CNTNAP2: variants seen among roughly 807,000 people sequenced by gnomAD.
CNTNAP2 encodes contactin-associated protein-like 2.
CNTNAP2 carries 98 observed loss-of-function variants against 155.2 expected under a neutral mutation model. The observed-to-expected ratio is 0.63, with a 90% CI of 0.54 to 0.75. CNTNAP2 has a LOEUF of 0.75. CNTNAP2 is among the 30% of genes least tolerant of loss of function. The pLI, the probability that CNTNAP2 is intolerant of heterozygous loss-of-function variation, is 0.00. For synonymous variants in CNTNAP2, 651 were observed against 631.2 expected, an observed-to-expected ratio of 1.03 and a Z score of -0.47; for missense variants, 1,727 against 1,688.1, an observed-to-expected ratio of 1.02 and a Z score of -0.40.
chr7:146,914,994 A>T (rs150486778), intron 3 of CNTNAP2, among the ~76,000 whole-genome samples: 2 of 152,096 alleles, frequency 1.3e-5, no homozygotes, highest in African/African-American at 2.4e-5. Context: ...TAATTTTTGT[A>T]TAAGGTGAGA....
intron 3 of CNTNAP2, among the ~76,000 whole-genome samples, chr7:146,958,407 GTTTTTTTTTTTT>G: frequency 1.3e-5 from 1 of 78,054 alleles, no homozygotes; most frequent in Middle Eastern, 0.015. Context: ...CATTTTTATG[GTTTTTTTTTTTT>G]TTTTTTTTTT....
intron 3 of CNTNAP2, among the ~76,000 whole-genome samples, chr7:147,032,658 A>C (rs1799057792): frequency 6.6e-6 from 1 of 151,358 alleles, no homozygotes; most frequent in Non-Finnish European, 1.5e-5. Flanking sequence ...ACAAGAAAGG[A>C]GGGGAGGAAG....
chr7:147,609,841 C>T (rs574017368), intron 12 of CNTNAP2, among the ~76,000 whole-genome samples: 60 of 152,074 alleles, frequency 3.9e-4, no homozygotes, highest in African/African-American at 1.4e-3. Context: ...ATACCTTCTT[C>T]CCAGGGAAGA....
intron 3 of CNTNAP2, among the ~76,000 whole-genome samples, chr7:147,004,293 A>C (rs1488871610): frequency 6.6e-6 from 1 of 151,542 alleles, no homozygotes; most frequent in Non-Finnish European, 1.5e-5. Context: ...CATTACATAG[A>C]TTGGGATAAT....
intron 3 of CNTNAP2, among the ~76,000 whole-genome samples, chr7:146,978,718 ATATT>A (rs1797958909): frequency 6.6e-6 from 1 of 151,178 alleles, no homozygotes; most frequent in East Asian, 1.9e-4. Context: ...TATAATATAT[ATATT>A]TAACTCTCCT....
chr7:146,774,340 G>A lies in CNTNAP2; in HGVS notation c.167G>A (p.Gly56Asp), dbSNP rs549740701. 12 of 1,613,930 alleles carry A rather than the reference G, an allele frequency of 7.4e-6. No individual in the cohort carries two copies. Among genetic ancestry groups the A allele is most frequent in the African/African-American group, 1.3e-5 (1 of 75,010 alleles). ...TTCAGCAGCTCCTCCTCCATCTCTG[G>A]TAGCTATTCTCCCGGCTATGCCAAG... The part of the protein sequence containing the change: ...VAFSSSSSIS[G>D]SYSPGYAKIN... Residue 56 changes from glycine to aspartate, a missense_variant, in exon 2 of 24, where the codon GGT becomes GAT. Transcript: ENST00000361727.
chr7:146,246,235 G>T (rs1162773342), intron 1 of CNTNAP2, among the ~76,000 whole-genome samples: 2 of 150,532 alleles, frequency 1.3e-5, no homozygotes, highest in African/African-American at 2.5e-5. Flanking sequence ...GTGGGTTAAG[G>T]TGGGGTAATA....
chr7:147,752,984 T>C (rs1292593818), intron 13 of CNTNAP2, among the ~76,000 whole-genome samples: 1 of 152,200 alleles, frequency 6.6e-6, no homozygotes, highest in African/African-American at 2.4e-5. Context: ...CCAATTTCTC[T>C]TTTAGCTACT....
At chr7:146,742,047 C>T (rs2129181090) in intron 1 of CNTNAP2, among the ~76,000 whole-genome samples, 1 of 149,388 alleles carries the variant, frequency 6.7e-6, no homozygotes, top group Non-Finnish European at 1.5e-5. Context: ...CATTCTCTTG[C>T]TTCTCCTTTT....
chr7:146,311,919 CAG>C (rs1800831849), intron 1 of CNTNAP2: 2 of 151,924 alleles, frequency 1.3e-5, no homozygotes, highest in South Asian at 4.1e-4. Flanking sequence ...CTAGGGAAGA[CAG>C]AGGAAGGACA....
At chr7:146,818,396 A>G (rs1443854886) in intron 2 of CNTNAP2, among the ~76,000 whole-genome samples, 1 of 152,220 alleles carries the variant, frequency 6.6e-6, no homozygotes, top group Non-Finnish European at 1.5e-5. Context: ...TAAGAAGGCC[A>G]AAGTATTTTG....
At chr7:146,565,821 G>A (rs941195070) in intron 1 of CNTNAP2, among the ~76,000 whole-genome samples, 3 of 152,212 alleles carry the variant, frequency 2.0e-5, no homozygotes, top group Admixed American at 1.3e-4. Context: ...AAATATGAAA[G>A]GAAATAAAAC....
At chr7:146,132,666 T>G (rs1296753235) in intron 1 of CNTNAP2, among the ~76,000 whole-genome samples, 1 of 150,962 alleles carries the variant, frequency 6.6e-6, no homozygotes, top group Non-Finnish European at 1.5e-5. Flanking sequence ...ATATGCGGTG[T>G]TTGGTTTTTT....
At position 148,217,360 on chromosome 7, in the gene CNTNAP2, A is replaced by C; in HGVS notation, c.3083A>C (p.Asp1028Ala). 2 of 1,613,540 alleles carry C rather than the reference A, an allele frequency of 1.2e-6. No individual in the cohort carries two copies. Among genetic ancestry groups the C allele is most frequent in the Non-Finnish European group, 1.7e-6 (2 of 1,179,918 alleles). The change falls in exon 19 of 24, where the codon GAC becomes GCC. Residue 1028 changes from aspartate (D) to alanine (A), a missense_variant. Asp to Ala is a moderately radical substitution (Grantham distance 126). Transcript: ENST00000361727. Reference sequence around the variant, plus strand: ...CAGGCACCAGCAACAAATGCCAGAGACTCCAGCAGCAGAGTAGACAACGCT... The same window carrying C: ...CAGGCACCAGCAACAAATGCCAGAGCCTCCAGCAGCAGAGTAGACAACGCT... ...NFQAPATNAR[D>A]SSSRVDNAPD...
At chr7:147,196,209 A>C (rs1373049539) in intron 8 of CNTNAP2, among the ~76,000 whole-genome samples, 5 of 152,164 alleles carry the variant, frequency 3.3e-5, no homozygotes. Flanking sequence ...TCTATGGTTT[A>C]AATCACCTGC....
chr7:147,034,228 G>C (rs1799101888), intron 3 of CNTNAP2, among the ~76,000 whole-genome samples: 1 of 152,198 alleles, frequency 6.6e-6, no homozygotes, highest in South Asian at 2.1e-4. Flanking sequence ...AATATAATTT[G>C]TGGATAACAA....
At chr7:146,790,797 C>G (rs998254195) in intron 2 of CNTNAP2, among the ~76,000 whole-genome samples, 2 of 151,920 alleles carry the variant, frequency 1.3e-5, no homozygotes, top group African/African-American at 4.8e-5. Context: ...TCTCAATCTC[C>G]TGACCTTGTG....
At chr7:147,336,049 G>C (rs1795659476) in intron 9 of CNTNAP2, among the ~76,000 whole-genome samples, 1 of 152,106 alleles carries the variant, frequency 6.6e-6, no homozygotes, top group African/African-American at 2.4e-5. Context: ...TTTTCAGCTT[G>C]TATTAGGTAG....
chr7:146,618,993 C>G (rs1322411904), intron 1 of CNTNAP2, among the ~76,000 whole-genome samples: 2 of 151,450 alleles, frequency 1.3e-5, no homozygotes, highest in South Asian at 4.2e-4. Flanking sequence ...TCGCTTGAAC[C>G]CAGGAGGGAG....
Sources: gnomAD v4.1 joint callset for allele counts (sites outside exome capture counted in the v4.1 genomes callset) on GRCh38, gnomAD v4.1.1 for gene constraint, MANE v1.5 for transcripts, NCBI Gene and HGNC (gene_info 2026-07-23, HGNC 2026-07-21) for gene names.